The following ADAM2 variants were observed in gnomAD, a reference collection of about 807,000 sequenced individuals.
ADAM2 encodes the protein disintegrin and metalloproteinase domain-containing protein 2.
Under a neutral mutation model 99.3 loss-of-function variants are expected in ADAM2, and 101 were observed. The ratio of observed to expected loss-of-function variants is 1.02; its 90% CI spans 0.87 to 1.20. ADAM2 has a LOEUF of 1.20. ADAM2 is among the 50% of genes most tolerant of loss of function. The pLI, the probability that ADAM2 is intolerant of heterozygous loss-of-function variation, is 0.00. For missense variants in ADAM2, 948 were observed against 878.7 expected, an observed-to-expected ratio of 1.08 and a Z score of -1.00; for synonymous variants, 323 against 287.6, an observed-to-expected ratio of 1.12 and a Z score of -1.25.
intron 16 of ADAM2, among the ~76,000 whole-genome samples, chr8:39,750,223 G>T (rs997820813): frequency 6.6e-6 from 1 of 152,016 alleles, no homozygotes; most frequent in Non-Finnish European, 1.5e-5. Flanking sequence ...ATGGAAGACC[G>T]TATTGAACCT....
chr8:39,784,988 C>T (rs950029418), intron 10 of ADAM2, among the ~76,000 whole-genome samples: 2 of 152,062 alleles, frequency 1.3e-5, no homozygotes, highest in African/African-American at 4.8e-5. Flanking sequence ...CATATTTTCT[C>T]CCTTTCTGTA....
intron 10 of ADAM2, among the ~76,000 whole-genome samples, chr8:39,777,625 A>G (rs976852864): frequency 3.9e-5 from 6 of 152,074 alleles, no homozygotes; most frequent in African/African-American, 1.4e-4. Flanking sequence ...TTCTAGGACA[A>G]TAGTGTTACT....
Position 39,788,756 on chromosome 8 carries a change from A to G in ADAM2, c.571-16T>C. ...TATGATTATACTGTAAAATATTATT[A>G]CATTTTAGATATAAATATATATTGC... On this transcript the variant is annotated splice_polypyrimidine_tract_variant and intron_variant, in intron 7 of 20. Coordinates refer to ENST00000265708, the MANE Select transcript of ADAM2 (RefSeq NM_001464.5). 7.4e-7 allele frequency: 1 copy of G among 1,345,672 alleles called. No homozygotes were observed. The allele number at this position is 1,345,672 out of a possible 1,614,324, so 83.4% of individuals were successfully genotyped here.
At chr8:39,814,216 G>A (rs935776952) in intron 6 of ADAM2, among the ~76,000 whole-genome samples, 1 of 151,980 alleles carries the variant, frequency 6.6e-6, no homozygotes, top group Non-Finnish European at 1.5e-5. Context: ...AAAATTAGCT[G>A]GGCATTGTGG....
intron 10 of ADAM2, among the ~76,000 whole-genome samples, 167 bp downstream of exon 10, chr8:39,786,807 A>G (rs1803483626): frequency 1.3e-5 from 2 of 152,114 alleles, no homozygotes; most frequent in Non-Finnish European, 2.9e-5. Flanking sequence ...ATTTTTATAC[A>G]TAGTGAATTG....
intron 7 of ADAM2, among the ~76,000 whole-genome samples, chr8:39,791,694 C>A (rs937984626): frequency 6.6e-6 from 1 of 152,018 alleles, no homozygotes; most frequent in Non-Finnish European, 1.5e-5. Context: ...AAGCATATGA[C>A]CTTTGGGTGT....
chr8:39,793,610 A>G (rs1803809680), intron 7 of ADAM2, among the ~76,000 whole-genome samples: 1 of 152,126 alleles, frequency 6.6e-6, no homozygotes, highest in Non-Finnish European at 1.5e-5. Flanking sequence ...CACTGATAAG[A>G]ACTCAAAGTC....
At chr8:39,762,226 C>T (rs143646221) in intron 14 of ADAM2, among the ~76,000 whole-genome samples, 61 of 152,352 alleles carry the variant, frequency 4.0e-4, no homozygotes, top group African/African-American at 1.4e-3. Context: ...AGCATGAATG[C>T]TCAATAACAG....
intron 15 of ADAM2, among the ~76,000 whole-genome samples, chr8:39,759,699 A>G (rs1042768060): frequency 2.0e-5 from 3 of 152,196 alleles, no homozygotes; most frequent in Non-Finnish European, 4.4e-5. Context: ...AACAGGAAAA[A>G]TGTAAACAAC....
intron 9 of ADAM2, among the ~76,000 whole-genome samples, chr8:39,787,402 C>A (rs1803509415): frequency 6.6e-6 from 1 of 151,348 alleles, no homozygotes; most frequent in East Asian, 1.9e-4. Context: ...TGAGCAGAAT[C>A]ACTCTATGGA....
intron 10 of ADAM2, among the ~76,000 whole-genome samples, chr8:39,780,200 T>C (rs548486196): frequency 6.6e-6 from 1 of 152,172 alleles, no homozygotes; most frequent in African/African-American, 2.4e-5. Context: ...TCAGGTCTCA[T>C]AAGACTTATT....
At chr8:39,834,603 G>T (rs1028333150) in intron 2 of ADAM2, among the ~76,000 whole-genome samples, 4 of 151,722 alleles carry the variant, frequency 2.6e-5, no homozygotes, top group African/African-American at 9.7e-5. Flanking sequence ...GGCATGGGGC[G>T]GTTGCCTGTA....
At chr8:39,767,511 C>T (rs909960228) in intron 12 of ADAM2, among the ~76,000 whole-genome samples, 14 of 152,232 alleles carry the variant, frequency 9.2e-5, no homozygotes, top group Admixed American at 5.2e-4. Flanking sequence ...CCCTGGGGTC[C>T]ACCATAGCCA....
At chr8:39,791,242 C>T (rs183820799) in intron 7 of ADAM2, among the ~76,000 whole-genome samples, 38 of 151,984 alleles carry the variant, frequency 2.5e-4, no homozygotes, top group African/African-American at 7.5e-4. Flanking sequence ...TCAAAAGGGG[C>T]CCAGTTAATC....
At chr8:39,828,282 A>G (rs1235808880) in intron 3 of ADAM2, among the ~76,000 whole-genome samples, 1 of 151,796 alleles carries the variant, frequency 6.6e-6, no homozygotes, top group Non-Finnish European at 1.5e-5. Flanking sequence ...GAAAAAAAAT[A>G]ATGAATGGGA....
At chr8:39,795,137 C>A (rs1349384145) in intron 7 of ADAM2, among the ~76,000 whole-genome samples, 1 of 152,078 alleles carries the variant, frequency 6.6e-6, no homozygotes, top group Non-Finnish European at 1.5e-5. Context: ...CTATCTAGAT[C>A]ATTTTCAAAT....
intron 11 of ADAM2, among the ~76,000 whole-genome samples, chr8:39,772,084 AAAAG>A (rs1429706933): frequency 6.6e-6 from 1 of 151,124 alleles, no homozygotes; most frequent in Non-Finnish European, 1.5e-5. Context: ...ATAATAAAAA[AAAAG>A]AAAGAGGGGA....
At chr8:39,811,069 G>A (rs1042449635) in intron 6 of ADAM2, among the ~76,000 whole-genome samples, 2 of 151,500 alleles carry the variant, frequency 1.3e-5, no homozygotes, top group Non-Finnish European at 2.9e-5. Context: ...AAAGAGAGAA[G>A]AATCAAAAAG....
In ADAM2 at chr8:39,838,107, C is replaced by T. The variant is rs550782002; in HGVS notation, c.55+24G>A. On this transcript the variant is annotated intron_variant, in intron 1 of 20. Coordinates refer to ENST00000265708, the MANE Select transcript of ADAM2 (RefSeq NM_001464.5). ...AGTAGCGCTGAGGGTCCCAAAAGGC[C>T]AGAGGAGGGGTTTTTCTGCTTACTA... The T allele has an allele frequency of 5.1e-5, 83 of 1,613,752 alleles. No homozygotes were observed. In the South Asian group the frequency reaches 8.0e-4, roughly 16 times the overall value.
Sources: gnomAD v4.1 joint callset for allele counts (sites outside exome capture counted in the v4.1 genomes callset) on GRCh38, gnomAD v4.1.1 for gene constraint, MANE v1.5 for transcripts, NCBI Gene and HGNC (gene_info 2026-07-23, HGNC 2026-07-21) for gene names.